The following SBK1 variants were observed in gnomAD, a reference collection of about 807,000 sequenced individuals.
The protein encoded by SBK1 is SH3 domain binding kinase 1, also known as serine/threonine-protein kinase SBK1.
Under a neutral mutation model 24.4 loss-of-function variants are expected in SBK1, and 11 were observed. The ratio of observed to expected loss-of-function variants is 0.45; its 90% CI spans 0.28 to 0.75. SBK1 has a LOEUF of 0.75. SBK1 is among the 30% of genes least tolerant of loss of function. The pLI, the probability that SBK1 is intolerant of heterozygous loss-of-function variation, is 0.12. For missense variants in SBK1, 467 were observed against 620.5 expected (o/e 0.75, Z 2.63); for synonymous variants, 308 against 284.4 (o/e 1.08, Z -0.83).
chr16:28,320,774 C>G lies in SBK1; in HGVS notation c.1128C>G (p.Pro376=), dbSNP rs1276884928. The change falls in exon 4 of 4, where the codon CCC becomes CCG. Residue 376 remains proline, a synonymous_variant. Transcript: ENST00000341901. The surrounding 1 kb of genome is among the most constrained non-coding windows in gnomAD (Gnocchi z 8.5). ...APPAVGSVPL[P]VPVPVPVPVP... ...CCGCCGTCGGGTCGGTGCCCTTGCC[C>G]GTGCCGGTGCCGGTGCCAGTGCCCG... 1 of 1,399,276 alleles carries G rather than the reference C, an allele frequency of 7.1e-7. No homozygotes were observed. The highest frequency in any genetic ancestry group is 9.3e-7 in the Non-Finnish European group (1 of 1,071,544). The allele number at this position is 1,399,276 out of a possible 1,614,324, so 86.7% of individuals were successfully genotyped here.
chr16:28,320,174 G>T lies in SBK1; in HGVS notation c.528G>T (p.Lys176Asn). The T allele has an allele frequency of 6.3e-7, 1 of 1,591,090 alleles. No homozygotes were observed. The change falls in exon 4 of 4, where the codon AAG becomes AAT. Residue 176 changes from lysine (K) to asparagine (N), a missense_variant. Physicochemically the swap from Lys to Asn is moderately conservative, Grantham distance 94. Transcript: ENST00000341901. The surrounding 1 kb of genome is among the most constrained non-coding windows in gnomAD (Gnocchi z 8.5). ...GGCAGCTGGTGCACCGCGACATCAA[G>T]CCCGAGAACGTGCTGCTGTTCGACC... Reference protein sequence around the residue: ...HGRQLVHRDIKPENVLLFDRE... With the variant: ...HGRQLVHRDINPENVLLFDRE...
chr16:28,320,956 C>A lies in SBK1; in HGVS notation c.*35C>A. 7.4e-7 allele frequency: 1 copy of A among 1,352,840 alleles called. No homozygotes were observed. Among genetic ancestry groups the A allele is most frequent in the Non-Finnish European group, 9.4e-7 (1 of 1,059,400 alleles). 83.8% of individuals were successfully genotyped at this position (1,352,840 alleles called of 1,614,324 possible). ...GCCGCCCTCGGACCCGGGAGCAGCC[C>A]GGGCCCGCCCCGAGCCGGTGCCCGG... On this transcript the variant is annotated 3_prime_UTR_variant, in exon 4 of 4. Coordinates refer to ENST00000341901, the MANE Select transcript of SBK1 (RefSeq NM_001024401.3). This position sits in a 1 kb window ranked among gnomAD's most constrained non-coding sequence, Gnocchi z 8.5.
chr16:28,277,569 G>T (rs551392082), intron 1 of SBK1, among the ~76,000 whole-genome samples: 1 of 152,304 alleles, frequency 6.6e-6, no homozygotes, highest in East Asian at 1.9e-4. Flanking sequence ...TGAGGCAAGA[G>T]GATCGCATGA....
intron 1 of SBK1, among the ~76,000 whole-genome samples, chr16:28,283,694 G>C (rs1324392445): frequency 6.6e-6 from 1 of 152,122 alleles, no homozygotes; most frequent in Non-Finnish European, 1.5e-5. Context: ...AGGGAATGTG[G>C]GTACCCAGAG....
chr16:28,300,023 T>C (rs1596548843), intron 1 of SBK1, among the ~76,000 whole-genome samples: 1 of 152,116 alleles, frequency 6.6e-6, no homozygotes, highest in African/African-American at 2.4e-5. Context: ...CACCCACAAT[T>C]CCCTTGCCTC....
upstream of SBK1, among the ~76,000 whole-genome samples, chr16:28,287,975 C>A (rs1465764757): frequency 1.3e-5 from 2 of 152,110 alleles, no homozygotes; most frequent in African/African-American, 2.4e-5. Context: ...TGGTTCCATC[C>A]TCTGAGAAGC....
chr16:28,320,657 G>C lies in SBK1; in HGVS notation c.1011G>C (p.Pro337=). The change falls in exon 4 of 4, where the codon CCG becomes CCC. Residue 337 remains proline, a synonymous_variant. Coordinates refer to ENST00000341901, the MANE Select transcript of SBK1 (RefSeq NM_001024401.3). The surrounding 1 kb of genome is among the most constrained non-coding windows in gnomAD (Gnocchi z 8.5). ...HRARKPPGDR[P]PAAGPLRLEA... ...CGCGCAAGCCCCCCGGGGACCGCCC[G>C]CCCGCCGCCGGGCCACTGCGCCTCG... 5 of 1,100,930 alleles carry C rather than the reference G, an allele frequency of 4.5e-6. No individual in the cohort carries two copies. Among genetic ancestry groups the C allele is most frequent in the Non-Finnish European group, 5.5e-6 (5 of 904,320 alleles). The allele number at this position is 1,100,930 out of a possible 1,614,324, so 68.2% of individuals were successfully genotyped here.
At chr16:28,271,452 G>T (rs1228256489) in intron 1 of SBK1, among the ~76,000 whole-genome samples, 2 of 152,102 alleles carry the variant, frequency 1.3e-5, no homozygotes, top group Non-Finnish European at 2.9e-5. Flanking sequence ...AGCTACTTGG[G>T]AGGCTGAGAC....
chr16:28,283,031 C>T (rs1018450363), intron 1 of SBK1, among the ~76,000 whole-genome samples: 10 of 152,110 alleles, frequency 6.6e-5, no homozygotes, highest in African/African-American at 2.4e-4. Context: ...CTCCCGGGTT[C>T]AAGCGATTCT....
chr16:28,298,194 C>T (rs1160626361), intron 1 of SBK1, among the ~76,000 whole-genome samples: 1 of 152,220 alleles, frequency 6.6e-6, no homozygotes, highest in Non-Finnish European at 1.5e-5. Flanking sequence ...CCCCTCTCCT[C>T]CCCAGCCACC....
upstream of SBK1, chr16:28,291,363 G>T (rs1165159617): frequency 6.6e-6 from 1 of 151,936 alleles, no homozygotes; most frequent in Non-Finnish European, 1.5e-5. Context: ...GTTGTGGGGT[G>T]GGGGGAAGGG....
chr16:28,277,307 G>C (rs2044499669), intron 1 of SBK1, among the ~76,000 whole-genome samples: 2 of 151,702 alleles, frequency 1.3e-5, no homozygotes, highest in African/African-American at 2.4e-5. Context: ...GCTCCCCGGA[G>C]TTTGAGAACC....
In SBK1 at chr16:28,321,212, CACACACACACACACACA is replaced by C. The variant is rs2044844723; in HGVS notation, c.*292_*308del. On this transcript the variant is annotated 3_prime_UTR_variant, in exon 4 of 4. Transcript: ENST00000341901. ...ACACACACACACACACACACACACA[CACACACACACACACACA>C]CACACACACGCCAGGAGCAAGGGAG... The C allele has an allele frequency of 3.1e-5, 6 of 191,088 alleles. 1 individual carries two copies. The Admixed American group carries it at 3.8e-4, about 12-fold the overall frequency. The allele number at this position is 191,088 out of a possible 1,614,324, so 11.8% of individuals were successfully genotyped here.
At chr16:28,267,340 G>A (rs1008975004) in intron 1 of SBK1, among the ~76,000 whole-genome samples, 7 of 152,160 alleles carry the variant, frequency 4.6e-5, no homozygotes, top group African/African-American at 1.4e-4. Context: ...GATTACAGGC[G>A]TGAGCCACTA....
At chr16:28,298,552 CAAT>C (rs1336071693) in intron 1 of SBK1, among the ~76,000 whole-genome samples, 2 of 152,202 alleles carry the variant, frequency 1.3e-5, no homozygotes, top group Non-Finnish European at 2.9e-5. Context: ...AGAATGGAGA[CAAT>C]AATAGCTGCC....
chr16:28,289,769 G>GAA (rs796696661), upstream of SBK1, among the ~76,000 whole-genome samples: 27 of 124,754 alleles, frequency 2.2e-4, no homozygotes, highest in East Asian at 1.4e-3. Context: ...CTCCATCTCA[G>GAA]AAAAAAAAAA....
At chr16:28,314,689 G>T (rs1024083875) in intron 1 of SBK1, among the ~76,000 whole-genome samples, 3 of 152,104 alleles carry the variant, frequency 2.0e-5, no homozygotes, top group Admixed American at 2.0e-4. Context: ...TGGGATTAGA[G>T]GGAGAAGGGG....
At position 28,323,300 on chromosome 16, in the gene SBK1, T is replaced by A. The variant is rs2044871606; in HGVS notation, c.*2379T>A. 1.3e-5 allele frequency: 2 copies of A among 150,650 alleles called. No individual in the cohort carries two copies. Among genetic ancestry groups the A allele is most frequent in the Non-Finnish European group, 3.0e-5 (2 of 67,564 alleles). 9.3% of individuals were successfully genotyped at this position (150,650 alleles called of 1,614,324 possible). ...AAAAAATAATAGCAAAAAATAACAC[T>A]GTAGACATGAAGACTTAGAAGACAA... On this transcript the variant is annotated 3_prime_UTR_variant, in exon 4 of 4. Coordinates refer to ENST00000341901, the MANE Select transcript of SBK1 (RefSeq NM_001024401.3).
rs1157449265 is a variant in SBK1, at chr16:28,322,915, GCGCGCTCTCTCTCT to G, written c.*1996_*2009del. The G allele has an allele frequency of 9.0e-5, 7 of 77,586 alleles. No individual in the cohort carries two copies. Among genetic ancestry groups the G allele is most frequent in the Non-Finnish European group, 1.4e-4 (5 of 36,074 alleles). The allele number at this position is 77,586 out of a possible 1,614,324, so 4.8% of individuals were successfully genotyped here. A position where few individuals can be genotyped will look rare whatever the true frequency, so the allele number is the denominator to read the frequency against. ...TTGCCGTGCTCGCTCTCTCTCTCGC[GCGCGCTCTCTCTCT>G]CCCTCTCTCTCTCTCTCTCTCTCTC... On this transcript the variant is annotated 3_prime_UTR_variant, in exon 4 of 4. Transcript: ENST00000341901.
Sources: allele counts gnomAD v4.1 joint callset (sites outside exome capture counted in the v4.1 genomes callset), GRCh38; gene constraint gnomAD v4.1.1; non-coding constraint Gnocchi (gnomAD v3.1); transcripts MANE v1.5; gene names NCBI Gene and HGNC (gene_info 2026-07-23, HGNC 2026-07-21).